KIF3A: variants seen among roughly 807,000 people sequenced by gnomAD.
KIF3A encodes the protein kinesin family member 3A.
KIF3A carries 27 observed loss-of-function variants against 92.6 expected under a neutral mutation model. That is an observed-to-expected ratio of 0.29 (90% CI 0.21 to 0.40). The LOEUF is 0.40. Among genes scored for constraint, KIF3A ranks in the 10% least tolerant of loss-of-function variants. KIF3A has a pLI of 1.00. For synonymous variants in KIF3A, 250 were observed against 275.4 expected (o/e 0.91, Z 0.92); for missense variants, 581 against 872.6 (o/e 0.67, Z 4.21).
intron 11 of KIF3A, 117 bp downstream of exon 11, chr5:132,706,334 T>C: frequency 1.8e-6 from 1 of 570,740 alleles, no homozygotes; most frequent in East Asian, 3.5e-5. Flanking sequence ...ATACAAAAGA[T>C]AGATACTTAC....
chr5:132,727,459 C>G (rs149336384), intron 2 of KIF3A, among the ~76,000 whole-genome samples: 34 of 151,982 alleles, frequency 2.2e-4, no homozygotes, highest in Middle Eastern at 3.4e-3. Flanking sequence ...AGGTTTAGAT[C>G]TGAAATACAA....
chr5:132,696,772 C>T, intron 18 of KIF3A, 90 bp from the exon 19 acceptor site: 1 of 994,262 alleles, frequency 1.0e-6, no homozygotes, highest in East Asian at 2.4e-5. Flanking sequence ...TATGGGGTGG[C>T]CTGTATAGTC....
At chr5:132,735,707 T>A (rs2149925770) in intron 1 of KIF3A, among the ~76,000 whole-genome samples, 1 of 152,348 alleles carries the variant, frequency 6.6e-6, no homozygotes, top group East Asian at 1.9e-4. Flanking sequence ...CTACTGCCTA[T>A]TCTCCAAATA....
At chr5:132,724,398 G>C (rs1369629391) in intron 4 of KIF3A, among the ~76,000 whole-genome samples, 2 of 152,100 alleles carry the variant, frequency 1.3e-5, no homozygotes, top group African/African-American at 4.8e-5. Flanking sequence ...CAACCCAAAT[G>C]TCCAACAATG....
chr5:132,709,719 T>C (rs1489360941), intron 9 of KIF3A, among the ~76,000 whole-genome samples: 1 of 152,226 alleles, frequency 6.6e-6, no homozygotes, highest in Non-Finnish European at 1.5e-5. Context: ...AAAGGACAGA[T>C]AAGTGTTTGA....
At chr5:132,720,751 C>G in intron 4 of KIF3A, 37 bp from the exon 5 acceptor site, 2 of 1,144,402 alleles carry the variant, frequency 1.7e-6, no homozygotes, top group Non-Finnish European at 2.6e-6. Context: ...ATATCAATAA[C>G]TCTTCCACAA....
At chr5:132,726,009 G>T in intron 4 of KIF3A, 119 bp downstream of exon 4, 2 of 637,698 alleles carry the variant, frequency 3.1e-6, no homozygotes, top group Non-Finnish European at 5.4e-6. Context: ...CATTATATAT[G>T]TACGAGATTA....
At chr5:132,710,572 C>T (rs973103849) in intron 9 of KIF3A, among the ~76,000 whole-genome samples, 8 of 152,092 alleles carry the variant, frequency 5.3e-5, no homozygotes, top group Non-Finnish European at 2.9e-5. Context: ...GCCGAGATCG[C>T]GCCACTGCAC....
intron 5 of KIF3A, 134 bp downstream of exon 5, chr5:132,720,475 A>T: frequency 1.7e-6 from 1 of 579,398 alleles, no homozygotes; most frequent in Non-Finnish European, 3.1e-6. Context: ...TACATGGTAA[A>T]TAATCAAAGT....
rs1448640476 is a variant in KIF3A, at chr5:132,724,818, T to A, written c.510+1310A>T. ...AAAAAAAAAAAAAAATATATATATA[T>A]ATATATATATATATATATATATATA... On this transcript the variant is annotated intron_variant, in intron 4 of 18. Transcript: ENST00000403231. 2.4e-3 allele frequency among the ~76,000 whole-genome samples: 33 copies of A among 13,810 alleles called. 1 individual carries two copies. The highest frequency in any genetic ancestry group is 6.1e-3 in the Admixed American group (10 of 1,630). The allele number at this position is 13,810 out of a possible 152,430, so 9.1% of individuals were successfully genotyped here. A position where few individuals can be genotyped will look rare whatever the true frequency, so the allele number is the denominator to read the frequency against.
In KIF3A at chr5:132,696,644, A is replaced by C. The variant is rs982239120; in HGVS notation, c.2171T>G (p.Leu724Ter). The C allele has an allele frequency of 5.0e-6, 8 of 1,606,176 alleles. No individual in the cohort carries two copies. The highest frequency in any genetic ancestry group is 1.6e-4 in the Middle Eastern group (1 of 6,062). The change falls in exon 19 of 19, where the codon TTA becomes TGA. Residue 724 changes from leucine (L) to a stop codon, truncating the protein, a stop_gained. Coordinates refer to ENST00000403231, the MANE Select transcript of KIF3A (RefSeq NM_001300791.2). LOFTEE classifies it high-confidence loss of function. Reference sequence around the variant, plus strand: ...TTAAGTCTGTAACATTTACTGCAGTAAAGAGTCAATTACAGTTTCAGGCTT... The same window carrying C: ...TTAAGTCTGTAACATTTACTGCAGTCAAGAGTCAATTACAGTTTCAGGCTT... ...SAKPETVIDSLLQ is the reference protein window; with the variant it reads ...SAKPETVIDS
chr5:132,731,419 A>G (rs1283398414), intron 2 of KIF3A, among the ~76,000 whole-genome samples: 3 of 152,050 alleles, frequency 2.0e-5, no homozygotes, highest in Non-Finnish European at 2.9e-5. Flanking sequence ...ATAGGTGCAG[A>G]AAAAAAATTA....
intron 4 of KIF3A, 55 bp downstream of exon 4, chr5:132,726,073 A>G: frequency 3.9e-6 from 5 of 1,294,384 alleles, no homozygotes; most frequent in Non-Finnish European, 5.4e-6. Context: ...ACCTTAATTT[A>G]GCAAATATTC....
chr5:132,724,806 A>AAAAAAAATTT (rs59476182), intron 4 of KIF3A, among the ~76,000 whole-genome samples: 1 of 22,700 alleles, frequency 4.4e-5, no homozygotes, highest in Non-Finnish European at 8.2e-5. Context: ...AAAAAAAAAA[A>AAAAAAAATTT]ATATATATAT....
intron 2 of KIF3A, among the ~76,000 whole-genome samples, chr5:132,727,837 G>GA (rs1287299832): frequency 2.0e-5 from 3 of 152,140 alleles, no homozygotes; most frequent in Admixed American, 6.5e-5. Context: ...CCTTGGATGT[G>GA]ATGGCATATA....
In KIF3A at chr5:132,716,988, T is replaced by C. The variant is rs199923390; in HGVS notation, c.617-4A>G. The C allele has an allele frequency of 5.0e-6, 8 of 1,611,984 alleles. No homozygotes were observed. The African/African-American group carries it at 1.1e-4, about 22-fold the overall frequency. ...ATATTAGTTGCACCAACAGAACCTT[T>C]AATAAATAAACGAAATCCTTTAAAA... On this transcript the variant is annotated splice_polypyrimidine_tract_variant and splice_region_variant and intron_variant, in intron 5 of 18. Coordinates refer to ENST00000403231, the MANE Select transcript of KIF3A (RefSeq NM_001300791.2).
intron 4 of KIF3A, among the ~76,000 whole-genome samples, chr5:132,725,645 A>G (rs1754010086): frequency 6.6e-6 from 1 of 152,208 alleles, no homozygotes; most frequent in Non-Finnish European, 1.5e-5. Context: ...AACTGCTGGG[A>G]AGATTAAATG....
At chr5:132,708,300 A>G (rs1018099649) in intron 10 of KIF3A, among the ~76,000 whole-genome samples, 9 of 150,660 alleles carry the variant, frequency 6.0e-5, no homozygotes, top group African/African-American at 2.2e-4. Context: ...AAAAAAAAAA[A>G]GAAAGAACTT....
At chr5:132,703,205 T>TG in intron 12 of KIF3A, 140 bp from the exon 13 acceptor site, 1 of 724,904 alleles carries the variant, frequency 1.4e-6, no homozygotes, top group Non-Finnish European at 2.2e-6. Flanking sequence ...ATTACACCAC[T>TG]GTGTAGTATC....
Sources: allele counts gnomAD v4.1 joint callset (sites outside exome capture counted in the v4.1 genomes callset), GRCh38; gene constraint gnomAD v4.1.1; transcripts MANE v1.5; gene names NCBI Gene and HGNC (gene_info 2026-07-23, HGNC 2026-07-21).